The following DACT2 variants were observed in gnomAD, a reference collection of about 807,000 sequenced individuals.
DACT2 encodes the protein dishevelled binding antagonist of beta catenin 2, also known as dapper homolog 2.
A neutral mutation model predicts 22.2 loss-of-function variants in DACT2; 20 were observed. The observed-to-expected ratio is 0.90, with a 90% CI of 0.63 to 1.31. The LOEUF is 1.31. Among genes scored for constraint, DACT2 ranks in the 50% most tolerant of loss-of-function variants. The probability of loss-of-function intolerance (pLI) is 0.00; values close to 1 mark genes in which losing one functional copy is unlikely to be tolerated. For synonymous variants in DACT2, 463 were observed against 479.8 expected, an observed-to-expected ratio of 0.96 and a Z score of 0.46; for missense variants, 1,048 against 1,061.4, an observed-to-expected ratio of 0.99 and a Z score of 0.18.
rs942083346 is a variant in DACT2, at chr6:168,310,439, G to A, written c.387C>T (p.Tyr129=). 6 of 1,549,822 alleles carry A rather than the reference G, an allele frequency of 3.9e-6. No individual in the cohort carries two copies. The highest frequency in any genetic ancestry group is 2.0e-5 in the Admixed American group (1 of 50,488). ...AGCAGGATCCACCGTCGCTCATCTC[G>A]TAAAAGCCTGGACGGAGCAGACAAG... is the stretch of plus-strand genomic sequence containing the variant. ...DSDSRPSSGF[Y]EMSDGGSCSL... Residue 129 remains tyrosine, a synonymous_variant, in exon 3 of 4, where the codon TAC becomes TAT. Coordinates refer to ENST00000366795, the MANE Select transcript of DACT2 (RefSeq NM_214462.5).
At chr6:168,296,953 A>G (rs562767678) in intron 3 of DACT2, among the ~76,000 whole-genome samples, 2 of 152,324 alleles carry the variant, frequency 1.3e-5, no homozygotes, top group East Asian at 3.9e-4. Context: ...CTACACATCA[A>G]TGAAAACAAT....
At chr6:168,295,777 A>G (rs930479591) in intron 3 of DACT2, among the ~76,000 whole-genome samples, 1 of 152,370 alleles carries the variant, frequency 6.6e-6, no homozygotes, top group East Asian at 1.9e-4. Context: ...CCAAGACAGC[A>G]TGGAAGAAGA....
chr6:168,312,502 T>A (rs148526527), intron 1 of DACT2, among the ~76,000 whole-genome samples: 9 of 152,334 alleles, frequency 5.9e-5, no homozygotes, highest in African/African-American at 1.9e-4. Flanking sequence ...GGACTGTGTA[T>A]TTAGAAGTTT....
At chr6:168,306,866 C>T (rs1779220444), downstream of DACT2, 3 of 985,392 alleles carry the variant, frequency 3.0e-6, no homozygotes, top group Non-Finnish European at 3.6e-6. Flanking sequence ...TTATGGTGAC[C>T]CTACCATGTG....
At chr6:168,303,424 C>T (rs7750589), downstream of DACT2, among the ~76,000 whole-genome samples, 31 of 152,236 alleles carry the variant, frequency 2.0e-4, no homozygotes, top group South Asian at 4.6e-3. Context: ...CTCGCTCTGG[C>T]GGAATGGCCT....
At chr6:168,313,357 A>G (rs752361136) in intron 1 of DACT2, among the ~76,000 whole-genome samples, 50 of 152,150 alleles carry the variant, frequency 3.3e-4, no homozygotes, top group Non-Finnish European at 6.0e-4. Flanking sequence ...AAGCCATAAT[A>G]TTATCTGTGA....
In DACT2 at chr6:168,319,700, C is replaced by T; in HGVS notation, c.-67G>A. 2 of 1,190,342 alleles carry T rather than the reference C, an allele frequency of 1.7e-6. No individual in the cohort carries two copies. Among genetic ancestry groups the T allele is most frequent in the African/African-American group, 1.6e-5 (1 of 62,536 alleles). The allele number at this position is 1,190,342 out of a possible 1,614,324, so 73.7% of individuals were successfully genotyped here. A position where few individuals can be genotyped will look rare whatever the true frequency, so the allele number is the denominator to read the frequency against. On this transcript the variant is annotated 5_prime_UTR_variant, in exon 1 of 4. Transcript: ENST00000366795. ...GCCGGAGGCCCAGCGCGCGCGGATCCCGAGCTGTGTCGCGGGTCCTCCTGC... is the reference window on the plus strand; with the variant it reads ...GCCGGAGGCCCAGCGCGCGCGGATCTCGAGCTGTGTCGCGGGTCCTCCTGC...
intron 3 of DACT2, among the ~76,000 whole-genome samples, chr6:168,309,534 A>G (rs1779342103): frequency 1.3e-5 from 1 of 78,606 alleles, no homozygotes; most frequent in African/African-American, 4.8e-5. Flanking sequence ...GGGAGAGTGC[A>G]TGGGCAGGGA....
chr6:168,309,211 A>T lies in DACT2; in HGVS notation c.659-113T>A, dbSNP rs190601790. ...GAAACGCTGCTCATTCACTGCTTCG[A>T]GGAACTCCTGGGTCCCATGGGAGAC... On this transcript the variant is annotated intron_variant, in intron 3 of 3. Transcript: ENST00000366795. 209 of 1,422,214 alleles carry T rather than the reference A, an allele frequency of 1.5e-4. No individual in the cohort carries two copies. The African/African-American group carries it at 2.5e-3, about 17-fold the overall frequency. 88.1% of individuals were successfully genotyped at this position (1,422,214 alleles called of 1,614,324 possible).
chr6:168,308,498 A>G lies in DACT2; in HGVS notation c.1259T>C (p.Leu420Pro). 6.4e-7 allele frequency: 1 copy of G among 1,551,384 alleles called. No individual in the cohort carries two copies. Among genetic ancestry groups the G allele is most frequent in the Non-Finnish European group, 8.7e-7 (1 of 1,146,892 alleles). ...PLEGPQQSGS[L>P]PEEGSKPSNS... The stretch of plus-strand genomic sequence containing the variant: ...TGAGGGCTTGGAGCCCTCCTCTGGA[A>G]GGCTGCCAGACTGCTGGGGACCCTC... The change falls in exon 4 of 4, where the codon CTT (leucine) becomes CCT (proline). Residue 420 changes from leucine to proline, a missense_variant. Leu to Pro is a moderately conservative substitution (Grantham distance 98, BLOSUM62 -3). Transcript: ENST00000366795.
At chr6:168,294,627 C>G in intron 4 of DACT2, 1 of 1,414,138 alleles carries the variant, frequency 7.1e-7, no homozygotes, top group Non-Finnish European at 9.2e-7. Context: ...GAACATCCTT[C>G]CCTACCTGTC....
At chr6:168,314,962 C>T (rs77406194) in intron 1 of DACT2, among the ~76,000 whole-genome samples, 2,850 of 152,262 alleles carry the variant, frequency 0.019, 81 homozygotes, top group African/African-American at 0.064. Context: ...GGCTCTAATG[C>T]GTGGCCCTGA....
chr6:168,318,412 T>C (rs149525436), intron 1 of DACT2, among the ~76,000 whole-genome samples: 1 of 152,352 alleles, frequency 6.6e-6, no homozygotes, highest in East Asian at 1.9e-4. Context: ...GTTAACAACC[T>C]GGCTGAGCGA....
intron 3 of DACT2, chr6:168,297,990 C>T (rs1284974585): frequency 6.6e-6 from 1 of 152,194 alleles, no homozygotes; most frequent in Non-Finnish European, 1.5e-5. Flanking sequence ...GGCACCAAGT[C>T]TGGCTTATCA....
Position 168,319,686 on chromosome 6 carries a change from AGC to A in DACT2, c.-55_-54del. ...ACCCCACGAGCGGCGCCGGAGGCCC[AGC>A]GCGCGCGGATCCCGAGCTGTGTCGC... is the stretch of plus-strand genomic sequence containing the variant. On this transcript the variant is annotated 5_prime_UTR_variant, in exon 1 of 4. Transcript: ENST00000366795. The A allele has an allele frequency of 8.4e-7, 1 of 1,193,302 alleles. No homozygotes were observed. Among genetic ancestry groups the A allele is most frequent in the Admixed American group, 4.5e-5 (1 of 22,210 alleles). The allele number at this position is 1,193,302 out of a possible 1,614,324, so 73.9% of individuals were successfully genotyped here. A position where few individuals can be genotyped will look rare whatever the true frequency, so the allele number is the denominator to read the frequency against.
At chr6:168,318,649 A>G (rs1332706787) in intron 1 of DACT2, among the ~76,000 whole-genome samples, 1 of 152,294 alleles carries the variant, frequency 6.6e-6, no homozygotes, top group Non-Finnish European at 1.5e-5. Flanking sequence ...AAATCATACA[A>G]TAACATAATA....
At chr6:168,314,009 ACCGCGCTTGTAACCCC>A (rs1779487540) in intron 1 of DACT2, among the ~76,000 whole-genome samples, 1 of 93,420 alleles carries the variant, frequency 1.1e-5, no homozygotes, top group African/African-American at 4.1e-5. Flanking sequence ...TGTAACCCCG[ACCGCGCTTGTAACCCC>A]GACCGCTGTC....
At chr6:168,299,382 T>G (rs547506939) in intron 3 of DACT2, 5 of 152,372 alleles carry the variant, frequency 3.3e-5, no homozygotes, top group African/African-American at 1.2e-4. Flanking sequence ...TGCTCACAGC[T>G]GCAAATAAAG....
In DACT2 at chr6:168,310,019, C is replaced by T. The variant is rs749215156; in HGVS notation, c.658+149G>A. 1.7e-5 allele frequency: 21 copies of T among 1,247,832 alleles called. No individual in the cohort carries two copies. The African/African-American group carries it at 1.8e-4, about 11-fold the overall frequency. 77.3% of individuals were successfully genotyped at this position (1,247,832 alleles called of 1,614,324 possible). On this transcript the variant is annotated intron_variant, in intron 3 of 3. Coordinates refer to ENST00000366795, the MANE Select transcript of DACT2 (RefSeq NM_214462.5). ...GTTCCTGCCTCCATCCAAACCACCA[C>T]GTGGCCCACGGAGGCCTTCCAGCGT...
Sources: allele counts gnomAD v4.1 joint callset (sites outside exome capture counted in the v4.1 genomes callset), GRCh38; gene constraint gnomAD v4.1.1; transcripts MANE v1.5; gene names NCBI Gene and HGNC (gene_info 2026-07-23, HGNC 2026-07-21).